Variants in AGPAT4 observed in about 807,000 individuals in gnomAD.
The protein encoded by AGPAT4 is 1-acyl-sn-glycerol-3-phosphate acyltransferase delta.
Under a neutral mutation model 48.0 loss-of-function variants are expected in AGPAT4, and 15 were observed. That is an observed-to-expected ratio of 0.31 (90% CI 0.21 to 0.48). AGPAT4 has a LOEUF of 0.48. Among genes scored for constraint, AGPAT4 ranks in the 20% least tolerant of loss-of-function variants. AGPAT4 has a pLI of 0.99. For missense variants in AGPAT4, 314 were observed against 482.5 expected, an observed-to-expected ratio of 0.65 and a Z score of 3.27; for synonymous variants, 178 against 198.7, an observed-to-expected ratio of 0.90 and a Z score of 0.88.
At chr6:161,173,063 T>A (rs374726135) in intron 2 of AGPAT4, among the ~76,000 whole-genome samples, 27 of 152,348 alleles carry the variant, frequency 1.8e-4, no homozygotes, top group African/African-American at 5.1e-4. Context: ...TTTGGGTTGG[T>A]TCCAAGTCTT....
intron 2 of AGPAT4, among the ~76,000 whole-genome samples, chr6:161,173,722 T>C (rs1170978424): frequency 6.6e-6 from 1 of 152,248 alleles, no homozygotes; most frequent in Admixed American, 6.5e-5. Context: ...TCCTTGCCCA[T>C]GTCTATGTCC....
intron 1 of AGPAT4, among the ~76,000 whole-genome samples, chr6:161,248,373 G>C (rs1782719095): frequency 6.6e-6 from 1 of 152,066 alleles, no homozygotes; most frequent in South Asian, 2.1e-4. Context: ...AGGAGATCGA[G>C]ACCATACTGG....
intron 2 of AGPAT4, among the ~76,000 whole-genome samples, chr6:161,172,778 T>G (rs1780305497): frequency 6.6e-6 from 1 of 152,164 alleles, no homozygotes; most frequent in Non-Finnish European, 1.5e-5. Flanking sequence ...TATCTCCTAA[T>G]GCTATCCATC....
rs1179483365 is a variant in AGPAT4, at chr6:161,134,037, T to TGTCA, written c.*2499_*2502dup. On this transcript the variant is annotated 3_prime_UTR_variant, in exon 9 of 9. Transcript: ENST00000320285. The stretch of plus-strand genomic sequence containing the variant: ...GTCCAGGAGTACCCGTGGTTGTCTG[T>TGTCA]GTCATTAAGGGCGCAGGGTGTAAGG... The TGTCA allele has an allele frequency of 1.3e-5, 2 of 152,222 alleles. No homozygotes were observed. The highest frequency in any genetic ancestry group is 2.9e-5 in the Non-Finnish European group (2 of 68,086). 9.4% of individuals were successfully genotyped at this position (152,222 alleles called of 1,614,324 possible). A position where few individuals can be genotyped will look rare whatever the true frequency, so the allele number is the denominator to read the frequency against.
rs71542999 is a variant in AGPAT4, at chr6:161,215,707, TAA to T, written c.178+16327_178+16328del. Among the ~76,000 whole-genome samples, 79 of 124,734 alleles carry T rather than the reference TAA, an allele frequency of 6.3e-4. No individual in the cohort carries two copies. The highest frequency in any genetic ancestry group is 5.7e-4 in the Non-Finnish European group (33 of 57,810). The allele number at this position is 124,734 out of a possible 152,430, so 81.8% of individuals were successfully genotyped here. Reference sequence around the variant, plus strand: ...CACAGTAGAATAACCTCCCTTACCATAAAAAAAAAAAAAAAGAAAACACAAAA... The same window carrying T: ...CACAGTAGAATAACCTCCCTTACCATAAAAAAAAAAAAAGAAAACACAAAA... On this transcript the variant is annotated intron_variant, in intron 2 of 8. Transcript: ENST00000320285. This position sits in a 1 kb window ranked among gnomAD's most constrained non-coding sequence, Gnocchi z 4.5.
chr6:161,179,579 T>C (rs1780529126), intron 2 of AGPAT4, among the ~76,000 whole-genome samples: 1 of 152,190 alleles, frequency 6.6e-6, no homozygotes, highest in Non-Finnish European at 1.5e-5. Context: ...ATTTGACCTT[T>C]GAACAACATG....
intron 2 of AGPAT4, among the ~76,000 whole-genome samples, chr6:161,191,889 A>T (rs1427525876): frequency 5.3e-5 from 8 of 152,178 alleles, no homozygotes; most frequent in Non-Finnish European, 1.2e-4. Context: ...TACAGTCTTG[A>T]ACAAGTGATT....
At position 161,144,980 on chromosome 6, in the gene AGPAT4, CAA is replaced by C. The variant is rs1230456209; in HGVS notation, c.843+1542_843+1543del. Among the ~76,000 whole-genome samples the C allele has an allele frequency of 6.9e-6, 1 of 144,442 alleles. No individual in the cohort carries two copies. Among genetic ancestry groups the C allele is most frequent in the African/African-American group, 2.7e-5 (1 of 37,028 alleles). The allele number at this position is 144,442 out of a possible 152,430, so 94.8% of individuals were successfully genotyped here. A position where few individuals can be genotyped will look rare whatever the true frequency, so the allele number is the denominator to read the frequency against. On this transcript the variant is annotated intron_variant, in intron 7 of 8. Coordinates refer to ENST00000320285, the MANE Select transcript of AGPAT4 (RefSeq NM_020133.3). The surrounding 1 kb of genome is among the most constrained non-coding windows in gnomAD (Gnocchi z 6.6). ...TGGGAGACAGAGTGAAACTCAGTCTCAAAAAAAAAAAATAAAAAAAGTAACAT... is the reference window on the plus strand; with the variant it reads ...TGGGAGACAGAGTGAAACTCAGTCTCAAAAAAAAAATAAAAAAAGTAACAT...
At chr6:161,250,007 T>C (rs1225942128) in intron 1 of AGPAT4, among the ~76,000 whole-genome samples, 3 of 152,214 alleles carry the variant, frequency 2.0e-5, no homozygotes, top group Admixed American at 1.3e-4. Context: ...TGGAATATTA[T>C]GCAACTATAA....
intron 3 of AGPAT4, among the ~76,000 whole-genome samples, chr6:161,156,175 C>T (rs191830646): frequency 4.6e-5 from 7 of 152,290 alleles, no homozygotes; most frequent in Middle Eastern, 3.4e-3. Context: ...AGATATCCCA[C>T]GGTAGACATG....
Position 161,254,557 on chromosome 6 carries a change from G to C in AGPAT4, c.-90+19381C>G, listed in dbSNP as rs1360547727. Among the ~76,000 whole-genome samples the C allele has an allele frequency of 6.6e-6, 1 of 152,166 alleles. No individual in the cohort carries two copies. Among genetic ancestry groups the C allele is most frequent in the African/African-American group, 2.4e-5 (1 of 41,434 alleles). On this transcript the variant is annotated intron_variant, in intron 1 of 8. Coordinates refer to ENST00000320285, the MANE Select transcript of AGPAT4 (RefSeq NM_020133.3). This position sits in a 1 kb window ranked among gnomAD's most constrained non-coding sequence, Gnocchi z 5.9. The stretch of plus-strand genomic sequence containing the variant: ...CTTTTCTCACGGCCATGTTCTTTAT[G>C]TCCTTTCACTCCTCTGCTTACAGTA...
At chr6:161,172,488 A>C (rs2114985352) in intron 2 of AGPAT4, among the ~76,000 whole-genome samples, 1 of 152,252 alleles carries the variant, frequency 6.6e-6, no homozygotes, top group Non-Finnish European at 1.5e-5. Context: ...GGCACCAAAG[A>C]AGCCTGTCCC....
In AGPAT4 at chr6:161,219,912, CAGGCGGCAGGCA is replaced by C. The variant is rs1248355623; in HGVS notation, c.178+12112_178+12123del. Among the ~76,000 whole-genome samples the C allele has an allele frequency of 8.0e-5, 10 of 124,602 alleles. No individual in the cohort carries two copies. Among genetic ancestry groups the C allele is most frequent in the African/African-American group, 2.5e-4 (8 of 31,616 alleles). The allele number at this position is 124,602 out of a possible 152,430, so 81.7% of individuals were successfully genotyped here. A position where few individuals can be genotyped will look rare whatever the true frequency, so the allele number is the denominator to read the frequency against. ...GCAGGCAGGCAGGCAGGCAGGCAGGCAGGCGGCAGGCAGGCAGGCAGGCAGGCAGGCAGGCAG... is the reference window on the plus strand; with the variant it reads ...GCAGGCAGGCAGGCAGGCAGGCAGGCGGCAGGCAGGCAGGCAGGCAGGCAG... On this transcript the variant is annotated intron_variant, in intron 2 of 8. Transcript: ENST00000320285. The surrounding 1 kb of genome is among the most constrained non-coding windows in gnomAD (Gnocchi z 4.9).
Position 161,165,791 on chromosome 6 carries a change from A to T in AGPAT4, c.348+457T>A. 2 of 589,728 alleles carry T rather than the reference A, an allele frequency of 3.4e-6. No individual in the cohort carries two copies. Among genetic ancestry groups the T allele is most frequent in the Non-Finnish European group, 6.2e-6 (2 of 324,022 alleles). 36.5% of individuals were successfully genotyped at this position (589,728 alleles called of 1,614,324 possible). On this transcript the variant is annotated intron_variant, in intron 3 of 8. Transcript: ENST00000320285. This position sits in a 1 kb window ranked among gnomAD's most constrained non-coding sequence, Gnocchi z 5.5. ...TTCACTCTCTCACTTATGGACTCAA[A>T]GTTCTTAAGCCTTCAACGATCAAAA... is the stretch of plus-strand genomic sequence containing the variant.
chr6:161,263,264 C>A (rs1281678552), intron 1 of AGPAT4, among the ~76,000 whole-genome samples: 1 of 152,144 alleles, frequency 6.6e-6, no homozygotes, highest in African/African-American at 2.4e-5. Context: ...AAACAACAGG[C>A]TGGGCGCAGT....
In AGPAT4 at chr6:161,198,197, T is replaced by C. The variant is rs987736987; in HGVS notation, c.179-31780A>G. On this transcript the variant is annotated intron_variant, in intron 2 of 8. Coordinates refer to ENST00000320285, the MANE Select transcript of AGPAT4 (RefSeq NM_020133.3). This position sits in a 1 kb window ranked among gnomAD's most constrained non-coding sequence, Gnocchi z 4.3. ...AAAGTGGATATGCAAAAGATATTTA[T>C]ATTCTTTCCTAAATAGAATAAAACC... Among the ~76,000 whole-genome samples the C allele has an allele frequency of 6.6e-6, 1 of 152,272 alleles. No homozygotes were observed. Among genetic ancestry groups the C allele is most frequent in the Non-Finnish European group, 1.5e-5 (1 of 68,050 alleles).
rs1482048113 is a variant in AGPAT4, at chr6:161,196,004, G to A, written c.179-29587C>T. Among the ~76,000 whole-genome samples the A allele has an allele frequency of 2.0e-5, 3 of 152,200 alleles. No homozygotes were observed. The highest frequency in any genetic ancestry group is 2.9e-5 in the Non-Finnish European group (2 of 68,040). The stretch of plus-strand genomic sequence containing the variant: ...ACACCCACAAGGCTCTGTGATTCAC[G>A]TGCTGGATATTCTAGAGCCCCTGAA... On this transcript the variant is annotated intron_variant, in intron 2 of 8. Transcript: ENST00000320285. This position sits in a 1 kb window ranked among gnomAD's most constrained non-coding sequence, Gnocchi z 4.3.
rs937722362 is a variant in AGPAT4, at chr6:161,144,412, C to A, written c.843+2112G>T. The A allele has an allele frequency of 1.2e-5, 4 of 331,570 alleles. No homozygotes were observed. The highest frequency in any genetic ancestry group is 2.4e-5 in the Non-Finnish European group (4 of 165,638). The allele number at this position is 331,570 out of a possible 1,614,324, so 20.5% of individuals were successfully genotyped here. ...GGAGTAGATGATCACTTTGAGAACC[C>A]TACCAAGTTGAACACTATCATTTAA... On this transcript the variant is annotated intron_variant, in intron 7 of 8. Transcript: ENST00000320285. The surrounding 1 kb of genome is among the most constrained non-coding windows in gnomAD (Gnocchi z 6.6).
At chr6:161,156,106 G>C (rs1476539458) in intron 3 of AGPAT4, among the ~76,000 whole-genome samples, 1 of 152,236 alleles carries the variant, frequency 6.6e-6, no homozygotes, top group Non-Finnish European at 1.5e-5. Context: ...TAGACCCGTA[G>C]ATGGTCACCT....
Sources: allele counts gnomAD v4.1 joint callset (sites outside exome capture counted in the v4.1 genomes callset), GRCh38; gene constraint gnomAD v4.1.1; non-coding constraint Gnocchi (gnomAD v3.1); transcripts MANE v1.5; gene names NCBI Gene and HGNC (gene_info 2026-07-23, HGNC 2026-07-21).